The following METTL21C variants were observed in gnomAD, a reference collection of about 807,000 sequenced individuals.
METTL21C encodes protein-lysine methyltransferase METTL21C.
METTL21C carries 21 observed loss-of-function variants against 25.9 expected under a neutral mutation model. The ratio of observed to expected loss-of-function variants is 0.81; its 90% CI spans 0.58 to 1.17. METTL21C has a LOEUF of 1.17. Among genes scored for constraint, METTL21C ranks in the 50% most tolerant of loss-of-function variants. The pLI, the probability that METTL21C is intolerant of heterozygous loss-of-function variation, is 0.00. For synonymous variants in METTL21C, 125 were observed against 124.7 expected (o/e 1.00, Z -0.01); for missense variants, 312 against 315.1 (o/e 0.99, Z 0.07).
Position 102,686,153 on chromosome 13 carries a change from ATTTG to A in METTL21C, c.669_672del (p.Lys224SerfsTer10). On this transcript the variant is annotated frameshift_variant, in exon 4 of 4. Coordinates refer to ENST00000267273, the MANE Select transcript of METTL21C (RefSeq NM_001010977.3). LOFTEE classifies it high-confidence loss of function. ...AATTCATAGTCGGTGCTGAACCTGA[ATTTG>A]TTTGCCCAAAGCAGCACCGTCCCTG... 6.2e-7 allele frequency: 1 copy of A among 1,614,198 alleles called. No homozygotes were observed. Among genetic ancestry groups the A allele is most frequent in the Non-Finnish European group, 8.5e-7 (1 of 1,180,032 alleles).
At chr13:102,701,139 G>T in the METTL21C span, among the ~76,000 whole-genome samples, 5 of 151,856 alleles carry the variant, frequency 3.3e-5, no homozygotes, top group African/African-American at 1.2e-4. Flanking sequence ...GGACTCCATT[G>T]GAGAGACGTT....
chr13:102,690,699 C>T, intron 2 of METTL21C, 114 bp downstream of exon 2: 2 of 1,296,188 alleles, frequency 1.5e-6, no homozygotes, highest in Non-Finnish European at 2.1e-6. Flanking sequence ...GCAACTGAAC[C>T]TCAAATTGAG....
At chr13:102,691,062 C>G in intron 1 of METTL21C, 98 bp from the exon 2 acceptor site, 1 of 1,352,058 alleles carries the variant, frequency 7.4e-7, no homozygotes, top group Non-Finnish European at 1.0e-6. Context: ...GATTGAATGA[C>G]CTTTACATAA....
At chr13:102,696,984 G>A (rs560857462), upstream of METTL21C, among the ~76,000 whole-genome samples, 1 of 152,136 alleles carries the variant, frequency 6.6e-6, no homozygotes, top group Admixed American at 6.5e-5. Context: ...AAGTGCAGCC[G>A]GTGAAAAGGA....
rs751890664 is a variant in METTL21C at position 102,686,115 on chromosome 13, G to C, written c.711C>G (p.Phe237Leu). 2 of 1,614,032 alleles carry C rather than the reference G, an allele frequency of 1.2e-6. No individual in the cohort carries two copies. The highest frequency in any genetic ancestry group is 1.7e-5 in the Admixed American group (1 of 60,014). The change falls in exon 4 of 4, where the codon TTC becomes TTG. Residue 237 changes from phenylalanine to leucine, a missense_variant. By Grantham distance (22) the Phe-to-Leu change is conservative (BLOSUM62 0). Coordinates refer to ENST00000267273, the MANE Select transcript of METTL21C (RefSeq NM_001010977.3). ...ACAGTGTTGTGTCAAAAACTTGCTT[G>C]AATTTATCTAAAAATTCATAGTCGG... ...FSTDYEFLDK[F>L]KQVFDTTLLA...
At chr13:102,692,536 T>C (rs1252049049) in intron 1 of METTL21C, among the ~76,000 whole-genome samples, 1 of 152,080 alleles carries the variant, frequency 6.6e-6, no homozygotes, top group Non-Finnish European at 1.5e-5. Context: ...TTCATTTTTG[T>C]TGTATATTAC....
At chr13:102,696,543 A>G (rs745824850), upstream of METTL21C, among the ~76,000 whole-genome samples, 23 of 152,164 alleles carry the variant, frequency 1.5e-4, no homozygotes, top group Non-Finnish European at 2.2e-4. Context: ...AATTTAAAAA[A>G]CAGTTCCTTT....
upstream of METTL21C, among the ~76,000 whole-genome samples, chr13:102,696,650 T>G (rs1311741252): frequency 6.6e-6 from 1 of 152,188 alleles, no homozygotes; most frequent in African/African-American, 2.4e-5. Flanking sequence ...TCAAAGGCTC[T>G]TAAATGCTGG....
At chr13:102,691,079 G>T in intron 1 of METTL21C, 115 bp from the exon 2 acceptor site, 1 of 1,146,708 alleles carries the variant, frequency 8.7e-7, no homozygotes, top group East Asian at 2.4e-5. Context: ...ATAAAGAGAA[G>T]GGATGATGCT....
chr13:102,691,640 G>C (rs528525180), intron 1 of METTL21C, among the ~76,000 whole-genome samples: 1 of 152,302 alleles, frequency 6.6e-6, no homozygotes, highest in South Asian at 2.1e-4. Flanking sequence ...GAGCCACCAC[G>C]CCCCGCCAGA....
the METTL21C span, among the ~76,000 whole-genome samples, chr13:102,701,564 A>T: frequency 6.6e-6 from 1 of 152,226 alleles, no homozygotes; most frequent in East Asian, 1.9e-4. Flanking sequence ...AACCACTGAG[A>T]TGCTGGAGGT....
At chr13:102,688,193 G>GA (rs1432646274) in intron 2 of METTL21C, among the ~76,000 whole-genome samples, 1 of 152,208 alleles carries the variant, frequency 6.6e-6, no homozygotes, top group African/African-American at 2.4e-5. Flanking sequence ...TTGGAGTGGG[G>GA]GCAGCCAGGA....
intron 2 of METTL21C, among the ~76,000 whole-genome samples, chr13:102,690,223 C>A (rs898098107): frequency 6.6e-6 from 1 of 152,096 alleles, no homozygotes; most frequent in Non-Finnish European, 1.5e-5. Context: ...GAGTTCAAGA[C>A]CAGCCTGGCC....
At chr13:102,687,598 G>A (rs569609969) in intron 2 of METTL21C, among the ~76,000 whole-genome samples, 2 of 152,254 alleles carry the variant, frequency 1.3e-5, no homozygotes, top group South Asian at 2.1e-4. Flanking sequence ...GTTCTTCTAA[G>A]AAACAGACAG....
At chr13:102,690,375 C>G (rs559987398) in intron 2 of METTL21C, among the ~76,000 whole-genome samples, 36 of 150,116 alleles carry the variant, frequency 2.4e-4, no homozygotes, top group East Asian at 2.0e-4. Context: ...GAGCCAAGAT[C>G]GTGTCACTGC....
At chr13:102,693,113 C>T (rs1230583486) in intron 1 of METTL21C, among the ~76,000 whole-genome samples, 2 of 152,148 alleles carry the variant, frequency 1.3e-5, no homozygotes, top group South Asian at 2.1e-4. Context: ...TGGGGAAAGA[C>T]GTGCAGTACC....
chr13:102,690,617 A>C lies in METTL21C; in HGVS notation c.282+196T>G, dbSNP rs139970632. 2.9e-4 allele frequency among the ~76,000 whole-genome samples: 44 copies of C among 152,228 alleles called. No homozygotes were observed. The East Asian group carries it at 8.3e-3, about 29-fold the overall frequency. ...GTTTCGAGAAACAGAGCTTGAAGCA[A>C]AACCAGTGTTTCTGAAAGAAACACT... On this transcript the variant is annotated intron_variant, in intron 2 of 3. Coordinates refer to ENST00000267273, the MANE Select transcript of METTL21C (RefSeq NM_001010977.3).
chr13:102,687,577 T>A (rs1273384773), intron 2 of METTL21C, among the ~76,000 whole-genome samples: 5 of 152,230 alleles, frequency 3.3e-5, no homozygotes, highest in Non-Finnish European at 7.3e-5. Context: ...TTAGTGACTT[T>A]TTTTAAAGTG....
chr13:102,693,806 TAGAC>T (rs1267893860), intron 1 of METTL21C, among the ~76,000 whole-genome samples: 1 of 152,224 alleles, frequency 6.6e-6, no homozygotes, highest in East Asian at 1.9e-4. Flanking sequence ...GCAGTAAAAA[TAGAC>T]AACATTCTCA....
Sources: gnomAD v4.1 joint callset for allele counts (sites outside exome capture counted in the v4.1 genomes callset) on GRCh38, gnomAD v4.1.1 for gene constraint, MANE v1.5 for transcripts, NCBI Gene and HGNC (gene_info 2026-07-23, HGNC 2026-07-21) for gene names.